The following ZNF239 variants were observed in gnomAD, a reference collection of about 807,000 sequenced individuals.
ZNF239 encodes the protein zinc finger protein (C2H2) homologous to mouse MOK-2.
Under a neutral mutation model 27.5 loss-of-function variants are expected in ZNF239, and 16 were observed. The ratio of observed to expected loss-of-function variants is 0.58; its 90% confidence interval spans 0.39 to 0.88. The LOEUF is 0.88. Among genes scored for constraint, ZNF239 ranks in the 40% least tolerant of loss-of-function variants. The pLI, the probability that ZNF239 is intolerant of heterozygous loss-of-function variation, is 0.00. For missense variants in ZNF239, 527 were observed against 551.9 expected (o/e 0.95, Z 0.45); for synonymous variants, 199 against 192.6 (o/e 1.03, Z -0.27).
chr10:43,572,965 T>G (rs1429740602), intron 2 of ZNF239, among the ~76,000 whole-genome samples: 1 of 152,172 alleles, frequency 6.6e-6, no homozygotes, highest in Non-Finnish European at 1.5e-5. Flanking sequence ...TAGAGAGATA[T>G]TTCACAATAA....
At chr10:43,574,117 A>C (rs956181468) in intron 1 of ZNF239, among the ~76,000 whole-genome samples, 3 of 152,208 alleles carry the variant, frequency 2.0e-5, no homozygotes, top group Non-Finnish European at 4.4e-5. Context: ...AGTGCTGCGG[A>C]CAGAAACCTC....
Position 43,556,600 on chromosome 10 carries a change from C to G in ZNF239, c.*103G>C. Reference sequence around the variant, plus strand: ...AGTGAGGGAACATATCTAAATAACCCTTACATCTCTCTCCTTTGTAGAATA... The same window carrying G: ...AGTGAGGGAACATATCTAAATAACCGTTACATCTCTCTCCTTTGTAGAATA... On this transcript the variant is annotated 3_prime_UTR_variant, in exon 4 of 4. Coordinates refer to ENST00000374446, the MANE Select transcript of ZNF239 (RefSeq NM_001099282.2). 1 of 1,420,900 alleles carries G rather than the reference C, an allele frequency of 7.0e-7. No homozygotes were observed. The highest frequency in any genetic ancestry group is 9.4e-7 in the Non-Finnish European group (1 of 1,063,752). 88.0% of individuals were successfully genotyped at this position (1,420,900 alleles called of 1,614,324 possible). A position where few individuals can be genotyped will look rare whatever the true frequency, so the allele number is the denominator to read the frequency against.
At chr10:43,574,331 GCAGCCCGGC>G (rs1838221120) in intron 1 of ZNF239, among the ~76,000 whole-genome samples, 200 bp downstream of exon 1, 1 of 152,188 alleles carries the variant, frequency 6.6e-6, no homozygotes, top group Admixed American at 6.5e-5. Context: ...CGGTGTGGCC[GCAGCCCGGC>G]CCCGGGGGCG....
At chr10:43,567,460 C>T (rs780467647) in intron 3 of ZNF239, among the ~76,000 whole-genome samples, 21 of 152,150 alleles carry the variant, frequency 1.4e-4, no homozygotes, top group Non-Finnish European at 3.1e-4. Flanking sequence ...TCAGGTAAAA[C>T]AGTAGCACAT....
At position 43,557,344 on chromosome 10, in the gene ZNF239, T is replaced by C; in HGVS notation, c.736A>G (p.Arg246Gly). 2 of 1,613,274 alleles carry C rather than the reference T, an allele frequency of 1.2e-6. No individual in the cohort carries two copies. Among genetic ancestry groups the C allele is most frequent in the East Asian group, 4.5e-5 (2 of 44,784 alleles). ...TGATGGATAAGCAGACTCGAGCTCC[T>C]TGTGAAGCCCTTCCCACATTGCTCA... ...KCEQCGKGFT[R>G]SSSLLIHQAV... is the part of the protein sequence containing the mutation. The change falls in exon 4 of 4, where the codon AGG (arginine) becomes GGG (glycine). Residue 246 changes from arginine (R) to glycine (G), a missense_variant. Coordinates refer to ENST00000374446, the MANE Select transcript of ZNF239 (RefSeq NM_001099282.2).
intron 2 of ZNF239, chr10:43,570,379 G>A (rs1433411002): frequency 9.1e-6 from 9 of 985,160 alleles, no homozygotes; most frequent in African/African-American, 1.7e-5. Context: ...CCTTTAGCAA[G>A]GCATGACCCA....
In ZNF239 at chr10:43,573,223, A is replaced by G. The variant is rs112602388; in HGVS notation, c.-216+414T>C. Among the ~76,000 whole-genome samples, 632 of 144,960 alleles carry G rather than the reference A, an allele frequency of 4.4e-3. 6 individuals are homozygous for G. The highest frequency in any genetic ancestry group is 0.015 in the African/African-American group (596 of 41,006). On this transcript the variant is annotated intron_variant, in intron 2 of 3. Coordinates refer to ENST00000374446, the MANE Select transcript of ZNF239 (RefSeq NM_001099282.2). ...ATGCATTTTTTTGTGTACAGGTAAT[A>G]TAATATGTTCATCAAGATGGTAAGC...
At chr10:43,573,794 A>G (rs1004822448) in intron 1 of ZNF239, 117 bp from the exon 2 acceptor site, 2 of 224,776 alleles carry the variant, frequency 8.9e-6, no homozygotes, top group African/African-American at 2.4e-5. Context: ...TTCCACCCAC[A>G]CTCCCTCCAT....
Position 43,558,097 on chromosome 10 carries a change from A to T in ZNF239, c.-18T>A. On this transcript the variant is annotated 5_prime_UTR_variant, in exon 4 of 4. Coordinates refer to ENST00000374446, the MANE Select transcript of ZNF239 (RefSeq NM_001099282.2). ...CTGGCCATGCCTTCCAAAACTAGCC[A>T]GGAGGAAAGCTCATGTAACAGATCC... is the stretch of plus-strand genomic sequence containing the variant. The T allele has an allele frequency of 6.2e-7, 1 of 1,602,558 alleles. No individual in the cohort carries two copies. Among genetic ancestry groups the T allele is most frequent in the Non-Finnish European group, 8.5e-7 (1 of 1,173,158 alleles).
At chr10:43,569,645 G>A (rs759714746) in intron 2 of ZNF239, among the ~76,000 whole-genome samples, 19 of 152,078 alleles carry the variant, frequency 1.2e-4, no homozygotes, top group Non-Finnish European at 2.6e-4. Flanking sequence ...TAATCCACTG[G>A]AGCATCCTGT....
chr10:43,568,695 C>T (rs1019672476), intron 2 of ZNF239, among the ~76,000 whole-genome samples: 3 of 152,164 alleles, frequency 2.0e-5, no homozygotes, highest in Non-Finnish European at 2.9e-5. Context: ...CTTACCTCAC[C>T]TCCAGACTCC....
chr10:43,567,624 TA>T (rs1454938586), intron 3 of ZNF239, among the ~76,000 whole-genome samples: 2 of 152,216 alleles, frequency 1.3e-5, no homozygotes, highest in Middle Eastern at 3.2e-3. Context: ...TGCTATTATA[TA>T]ATGATCTTTA....
intron 3 of ZNF239, among the ~76,000 whole-genome samples, chr10:43,559,746 T>C (rs955656434): frequency 6.6e-6 from 1 of 151,088 alleles, no homozygotes; most frequent in Non-Finnish European, 1.5e-5. Flanking sequence ...TACACTGAAA[T>C]GACAAGAAAT....
At chr10:43,573,201 C>T (rs1035581883) in intron 2 of ZNF239, among the ~76,000 whole-genome samples, 2 of 152,144 alleles carry the variant, frequency 1.3e-5, no homozygotes, top group Non-Finnish European at 2.9e-5. Flanking sequence ...TATTAATATG[C>T]ATTTTTTTGT....
At chr10:43,574,415 G>A (rs10899830) in intron 1 of ZNF239, 125 bp downstream of exon 1, 14,275 of 152,310 alleles carry the variant, frequency 0.094, 885 homozygotes, top group Middle Eastern at 0.18. Context: ...CGCTGGTCGC[G>A]TGCCCTACCA....
chr10:43,571,213 A>G (rs956548606), intron 2 of ZNF239, among the ~76,000 whole-genome samples: 1 of 151,072 alleles, frequency 6.6e-6, no homozygotes, highest in Non-Finnish European at 1.5e-5. Context: ...AACTACATAC[A>G]TGCCATCATG....
intron 3 of ZNF239, among the ~76,000 whole-genome samples, chr10:43,564,543 A>T (rs568814073): frequency 5.3e-4 from 81 of 152,190 alleles, no homozygotes; most frequent in African/African-American, 1.7e-3. Flanking sequence ...ATTTTTTTTA[A>T]AAAATTTTTT....
intron 2 of ZNF239, among the ~76,000 whole-genome samples, chr10:43,568,610 A>G (rs1386360179): frequency 6.6e-6 from 1 of 152,210 alleles, no homozygotes; most frequent in Non-Finnish European, 1.5e-5. Flanking sequence ...ACACACAGCC[A>G]TAAAACACTC....
chr10:43,557,850 G>A lies in ZNF239; in HGVS notation c.230C>T (p.Ser77Phe). 1 of 1,614,220 alleles carries A rather than the reference G, an allele frequency of 6.2e-7. No individual in the cohort carries two copies. The highest frequency in any genetic ancestry group is 8.5e-7 in the Non-Finnish European group (1 of 1,180,036). ...CTCATTCTTACAGAACTTCACTGAA[G>A]AGTCTTGTGTGTCTATTTGGCTTGA... ...KVSSQIDTQD[S>F]SVKFCKNEPQ... The change falls in exon 4 of 4, where the codon TCT becomes TTT. Residue 77 changes from serine to phenylalanine, a missense_variant. Transcript: ENST00000374446.
Sources: allele counts gnomAD v4.1 joint callset (sites outside exome capture counted in the v4.1 genomes callset), GRCh38; gene constraint gnomAD v4.1.1; transcripts MANE v1.5; gene names NCBI Gene and HGNC (gene_info 2026-07-23, HGNC 2026-07-21).